Variants in SCN7A observed in about 807,000 individuals in gnomAD.
The protein encoded by SCN7A is sodium voltage-gated channel alpha subunit 7, also known as sodium channel protein type 7 subunit alpha.
Under a neutral mutation model 155.2 loss-of-function variants are expected in SCN7A, and 138 were observed. The ratio of observed to expected loss-of-function variants is 0.89; its 90% CI spans 0.77 to 1.02. SCN7A has a LOEUF of 1.02. Ranked by LOEUF, SCN7A falls within the 50% of genes least tolerant of loss-of-function variation. The probability of loss-of-function intolerance (pLI) is 0.00; values close to 1 mark genes in which losing one functional copy is unlikely to be tolerated. For synonymous variants in SCN7A, 693 were observed against 649.0 expected (o/e 1.07, Z -1.03); for missense variants, 2,058 against 1,986.6 (o/e 1.04, Z -0.68).
At chr2:166,472,253 T>C in intron 6 of SCN7A, 64 bp downstream of exon 6, 2 of 1,472,504 alleles carry the variant, frequency 1.4e-6, no homozygotes, top group South Asian at 1.4e-5. Flanking sequence ...ACGTCAATTA[T>C]TTTTTATGAA....
Position 166,414,281 on chromosome 2 carries a change from T to G in SCN7A, c.3415-1160A>C, listed in dbSNP as rs1455809470. On this transcript the variant is annotated intron_variant, in intron 21 of 25. Transcript: ENST00000643258. ...ATATATATACACACACATATATATA[T>G]ATATACACACACATATATATATATA... 8.5e-3 allele frequency among the ~76,000 whole-genome samples: 270 copies of G among 31,674 alleles called. 14 individuals are homozygous for G. Among genetic ancestry groups the G allele is most frequent in the Middle Eastern group, 0.029 (1 of 34 alleles). The allele number at this position is 31,674 out of a possible 152,430, so 20.8% of individuals were successfully genotyped here.
At position 166,475,294 on chromosome 2, in the gene SCN7A, AAC is replaced by A. The variant is rs1007647248; in HGVS notation, c.235-952_235-951del. Among the ~76,000 whole-genome samples, 20 of 148,966 alleles carry A rather than the reference AAC, an allele frequency of 1.3e-4. No individual in the cohort carries two copies. In the East Asian group the frequency reaches 1.6e-3, roughly 12 times the overall value. On this transcript the variant is annotated intron_variant, in intron 3 of 25. Transcript: ENST00000643258. ...TAATTTATAACATATAACATACTGA[AAC>A]ACAATAAATTATAGTATACTAAAAT...
At chr2:166,488,632 C>CT (rs200899928) in intron 1 of SCN7A, among the ~76,000 whole-genome samples, 37,161 of 144,544 alleles carry the variant, frequency 0.26, 5,164 homozygotes, top group East Asian at 0.48. Context: ...TCAACAGTTT[C>CT]TTTTTTTTTT....
Position 166,481,206 on chromosome 2 carries a change from T to C in SCN7A, c.-14-3496A>G, listed in dbSNP as rs116571441. Among the ~76,000 whole-genome samples, 754 of 152,298 alleles carry C rather than the reference T, an allele frequency of 5.0e-3. 5 individuals are homozygous for C. The highest frequency in any genetic ancestry group is 0.017 in the African/African-American group (703 of 41,576). On this transcript the variant is annotated intron_variant, in intron 2 of 25. Coordinates refer to ENST00000643258, the MANE Select transcript of SCN7A (RefSeq NM_002976.4). ...AAATCCTGAACTCTGTGACTAATGT[T>C]CTAAGAAACCTCAGTCAAATTATTT...
intron 21 of SCN7A, among the ~76,000 whole-genome samples, chr2:166,414,908 G>A (rs1458979262): frequency 2.6e-5 from 2 of 76,232 alleles, no homozygotes; most frequent in African/African-American, 5.2e-5. Flanking sequence ...TATTATATAG[G>A]ATAATATATA....
chr2:166,445,683 A>G (rs910130951), intron 12 of SCN7A, among the ~76,000 whole-genome samples: 1 of 151,650 alleles, frequency 6.6e-6, no homozygotes, highest in African/African-American at 2.4e-5. Context: ...GAGACAACTA[A>G]CCACAGCCTT....
intron 15 of SCN7A, among the ~76,000 whole-genome samples, chr2:166,438,365 A>C (rs1472548829): frequency 6.6e-6 from 1 of 152,158 alleles, no homozygotes; most frequent in Admixed American, 6.5e-5. Flanking sequence ...ATGTGAGTCA[A>C]TTAAACCTCT....
intron 15 of SCN7A, among the ~76,000 whole-genome samples, chr2:166,439,832 T>G (rs761343006): frequency 2.6e-5 from 4 of 152,154 alleles, no homozygotes; most frequent in Non-Finnish European, 5.9e-5. Flanking sequence ...ACACTAACAA[T>G]TAAATACAAT....
At chr2:166,441,833 T>C (rs1334320555) in intron 14 of SCN7A, 81 bp from the exon 15 acceptor site, 3 of 928,578 alleles carry the variant, frequency 3.2e-6, no homozygotes, top group Non-Finnish European at 4.9e-6. Flanking sequence ...TACAGTGTTA[T>C]ACACATATAC....
chr2:166,482,011 A>T (rs961530914), intron 2 of SCN7A, among the ~76,000 whole-genome samples: 4 of 152,082 alleles, frequency 2.6e-5, no homozygotes, highest in Admixed American at 6.5e-5. Context: ...GGACGCACAT[A>T]CTCCTTTACA....
intron 21 of SCN7A, among the ~76,000 whole-genome samples, chr2:166,414,031 TAA>T (rs554162220): frequency 3.5e-5 from 3 of 84,532 alleles, no homozygotes; most frequent in Non-Finnish European, 6.7e-5. Flanking sequence ...TAAATATATA[TAA>T]ATATATTTAT....
At chr2:166,470,230 T>C (rs1017641608) in intron 7 of SCN7A, among the ~76,000 whole-genome samples, 3 of 151,850 alleles carry the variant, frequency 2.0e-5, no homozygotes, top group Admixed American at 6.6e-5. Context: ...TATATTACTT[T>C]GTTCATGTCA....
intron 6 of SCN7A, among the ~76,000 whole-genome samples, chr2:166,471,742 T>G (rs1284055151): frequency 6.7e-6 from 1 of 149,672 alleles, no homozygotes; most frequent in Non-Finnish European, 1.5e-5. Context: ...GGGGGTGGTG[T>G]TTAAGATATG....
At position 166,409,196 on chromosome 2, in the gene SCN7A, G is replaced by C. The variant is rs75582820; in HGVS notation, c.3982+469C>G. The stretch of plus-strand genomic sequence containing the variant: ...TATCAAGTGTATTTATTAAATAAGA[G>C]AGAGATCTCCAAAGTAAGAGAAAAC... On this transcript the variant is annotated intron_variant, in intron 25 of 25. Transcript: ENST00000643258. Among the ~76,000 whole-genome samples the C allele has an allele frequency of 5.0e-3, 755 of 151,996 alleles. 38 individuals are homozygous for C. In the East Asian group the frequency reaches 0.11, roughly 22 times the overall value.
chr2:166,430,995 T>C (rs1050932531), intron 16 of SCN7A, among the ~76,000 whole-genome samples: 2 of 152,014 alleles, frequency 1.3e-5, no homozygotes, highest in South Asian at 2.1e-4. Context: ...CAAATAACTA[T>C]GCAGCATAAA....
chr2:166,477,759 G>T, intron 2 of SCN7A, 49 bp from the exon 3 acceptor site: 1 of 1,190,280 alleles, frequency 8.4e-7, no homozygotes, highest in Non-Finnish European at 1.1e-6. Context: ...AAACATAAAA[G>T]TACAAAAGAT....
rs1444565739 is a variant in SCN7A, at chr2:166,457,056, C to T, written c.1104G>A (p.Lys368=). 1.2e-6 allele frequency: 2 copies of T among 1,607,664 alleles called. No homozygotes were observed. Among genetic ancestry groups the T allele is most frequent in the East Asian group, 4.5e-5 (2 of 44,616 alleles). ...LYHQILYASG[K]VYMIFFVVVS... is the part of the protein sequence containing the mutation. The stretch of plus-strand genomic sequence containing the variant: ...CCACCACAAAAAATATCATGTAGAC[C>T]TTCCCAGAAGCATAAAGTATCTAAG... Residue 368 remains lysine, a synonymous_variant, in exon 11 of 26, where the codon AAG becomes AAA. Transcript: ENST00000643258.
At chr2:166,406,846 C>T (rs1253101227) in intron 25 of SCN7A, among the ~76,000 whole-genome samples, 200 bp from the exon 26 acceptor site, 2 of 151,976 alleles carry the variant, frequency 1.3e-5, no homozygotes, top group Non-Finnish European at 2.9e-5. Context: ...TATCAATGCT[C>T]AGGGTATCTA....
rs1701205246 is a variant in SCN7A, at chr2:166,411,647, C to T, written c.3606+883G>A. 2.0e-5 allele frequency among the ~76,000 whole-genome samples: 3 copies of T among 152,092 alleles called. No individual in the cohort carries two copies. The South Asian group carries it at 6.2e-4, about 31-fold the overall frequency. ...TGATTTGCTGTTGTACTTCAAACTGCAAATGGCCACAGTGCATGATAAGTC... is the reference window on the plus strand; with the variant it reads ...TGATTTGCTGTTGTACTTCAAACTGTAAATGGCCACAGTGCATGATAAGTC... On this transcript the variant is annotated intron_variant, in intron 23 of 25. Transcript: ENST00000643258.
Sources: allele counts gnomAD v4.1 joint callset (sites outside exome capture counted in the v4.1 genomes callset), GRCh38; gene constraint gnomAD v4.1.1; transcripts MANE v1.5; gene names NCBI Gene and HGNC (gene_info 2026-07-23, HGNC 2026-07-21).